FXR1: variants seen among roughly 807,000 people sequenced by gnomAD.
The protein encoded by FXR1 is FMR1 autosomal homolog 1.
In FXR1, 15 loss-of-function variants were observed where a neutral mutation model predicts 84.0. The ratio of observed to expected loss-of-function variants is 0.18; its 90% CI spans 0.12 to 0.27. The LOEUF (loss-of-function observed/expected upper bound fraction) is 0.27. Among genes scored for constraint, FXR1 ranks in the 10% least tolerant of loss-of-function variants. The probability of loss-of-function intolerance (pLI) is 1.00; values close to 1 mark genes in which losing one functional copy is unlikely to be tolerated. For synonymous variants in FXR1, 245 were observed against 250.7 expected, an observed-to-expected ratio of 0.98 and a Z score of 0.21; for missense variants, 480 against 774.4, an observed-to-expected ratio of 0.62 and a Z score of 4.51.
intron 1 of FXR1, among the ~76,000 whole-genome samples, chr3:180,923,278 A>C (rs1454982903): frequency 6.6e-6 from 1 of 152,166 alleles, no homozygotes; most frequent in East Asian, 1.9e-4. Context: ...CCCATTCCAG[A>C]TTGATAGACC....
chr3:180,937,718 A>G (rs1004010952), intron 3 of FXR1, among the ~76,000 whole-genome samples: 1 of 152,192 alleles, frequency 6.6e-6, no homozygotes, highest in African/African-American at 2.4e-5. Context: ...GGATTTATCC[A>G]TATTACGTAG....
chr3:180,920,506 A>G (rs1370503465), intron 1 of FXR1, among the ~76,000 whole-genome samples: 2 of 151,140 alleles, frequency 1.3e-5, no homozygotes, highest in East Asian at 3.9e-4. Context: ...GAAAGTCAGA[A>G]TAGTTTTGTT....
chr3:180,965,021 CT>C (rs551310034), intron 13 of FXR1, among the ~76,000 whole-genome samples: 117 of 145,190 alleles, frequency 8.1e-4, no homozygotes, highest in Admixed American at 1.0e-3. Context: ...TGTTTTGTTA[CT>C]TTTTTTTTTT....
At chr3:180,960,889 C>T (rs1712015314) in intron 10 of FXR1, among the ~76,000 whole-genome samples, 1 of 152,064 alleles carries the variant, frequency 6.6e-6, no homozygotes, top group Admixed American at 6.6e-5. Context: ...ACACAGAAGA[C>T]AATTTACAAC....
rs536951817 is a variant in FXR1 at position 180,917,277 on chromosome 3, G to A, written c.51+4541G>A. Among the ~76,000 whole-genome samples the A allele has an allele frequency of 2.0e-5, 3 of 151,816 alleles. No individual in the cohort carries two copies. The South Asian group carries it at 6.2e-4, about 32-fold the overall frequency. On this transcript the variant is annotated intron_variant, in intron 1 of 16. Coordinates refer to ENST00000357559, the MANE Select transcript of FXR1 (RefSeq NM_005087.4). The stretch of plus-strand genomic sequence containing the variant: ...TTGAGCGTAATCTAAATTATGCATA[G>A]ATATATTAATAATGATGACCAATAG...
intron 1 of FXR1, among the ~76,000 whole-genome samples, chr3:180,916,263 A>T (rs1387082524): frequency 6.6e-6 from 1 of 152,212 alleles, no homozygotes; most frequent in Non-Finnish European, 1.5e-5. Flanking sequence ...CTTCCTTCAG[A>T]ACGTTCCATT....
At chr3:180,926,613 T>C (rs893259252) in intron 1 of FXR1, among the ~76,000 whole-genome samples, 3 of 151,648 alleles carry the variant, frequency 2.0e-5, no homozygotes, top group South Asian at 2.1e-4. Flanking sequence ...GTTACACTTT[T>C]AGGGTGTAAA....
rs1258768824 is a variant in FXR1 at position 180,963,841 on chromosome 3, A to G, written c.1198+751A>G. On this transcript the variant is annotated intron_variant, in intron 13 of 16. Transcript: ENST00000357559. Reference sequence around the variant, plus strand: ...TCCATTTTTCTACATTTGGACTTGGATCTTAGCAGTGACCTGATTTGTTTT... The same window carrying G: ...TCCATTTTTCTACATTTGGACTTGGGTCTTAGCAGTGACCTGATTTGTTTT... Among the ~76,000 whole-genome samples the G allele has an allele frequency of 2.0e-5, 3 of 152,156 alleles. No homozygotes were observed. The East Asian group carries it at 5.8e-4, about 29-fold the overall frequency.
chr3:180,944,731 C>T (rs1218999496), intron 3 of FXR1, among the ~76,000 whole-genome samples: 2 of 152,188 alleles, frequency 1.3e-5, no homozygotes, highest in African/African-American at 4.8e-5. Context: ...GATCCTTCCA[C>T]CCTACCCCAG....
At chr3:180,943,327 G>A (rs1721340191) in intron 3 of FXR1, among the ~76,000 whole-genome samples, 1 of 146,734 alleles carries the variant, frequency 6.8e-6, no homozygotes, top group Non-Finnish European at 1.5e-5. Flanking sequence ...CAGGCTGGAG[G>A]GCAGTGGTGC....
chr3:180,940,074 C>G (rs1720954264), intron 3 of FXR1, among the ~76,000 whole-genome samples: 1 of 152,156 alleles, frequency 6.6e-6, no homozygotes, highest in African/African-American at 2.4e-5. Flanking sequence ...AGTTACAGCA[C>G]ATAAAGTAAT....
Position 180,970,362 on chromosome 3 carries a change from T to C in FXR1, c.1603+4T>C. 1 of 1,092,986 alleles carries C rather than the reference T, an allele frequency of 9.1e-7. No homozygotes were observed. The highest frequency in any genetic ancestry group is 1.4e-6 in the Non-Finnish European group (1 of 723,480). 67.7% of individuals were successfully genotyped at this position (1,092,986 alleles called of 1,614,324 possible). On this transcript the variant is annotated splice_donor_region_variant and intron_variant, in intron 15 of 16. Coordinates refer to ENST00000357559, the MANE Select transcript of FXR1 (RefSeq NM_005087.4). ...TCAGTTAATGAAAATGGGCTAGGTA[T>C]GTAAGCACTTAGGGAAGAGAAATAT... is the stretch of plus-strand genomic sequence containing the variant.
In FXR1 at chr3:180,976,361, A is replaced by C; in HGVS notation, c.*69A>C. On this transcript the variant is annotated 3_prime_UTR_variant, in exon 17 of 17. Transcript: ENST00000357559. ...CAATAGTGCTTGTACAAGCTTGCCAAAGATAGAATATGGATCGCCAGTCTT... is the reference window on the plus strand; with the variant it reads ...CAATAGTGCTTGTACAAGCTTGCCACAGATAGAATATGGATCGCCAGTCTT... The C allele has an allele frequency of 9.5e-7, 1 of 1,051,796 alleles. No homozygotes were observed. Among genetic ancestry groups the C allele is most frequent in the Non-Finnish European group, 1.4e-6 (1 of 732,016 alleles). 65.2% of individuals were successfully genotyped at this position (1,051,796 alleles called of 1,614,324 possible). A position where few individuals can be genotyped will look rare whatever the true frequency, so the allele number is the denominator to read the frequency against.
In FXR1 at chr3:180,980,314, A is replaced by G. The variant is rs1714549204; in HGVS notation, c.*4022A>G. 1 of 152,086 alleles carries G rather than the reference A, an allele frequency of 6.6e-6. No homozygotes were observed. The highest frequency in any genetic ancestry group is 1.5e-5 in the Non-Finnish European group (1 of 67,970). The allele number at this position is 152,086 out of a possible 1,614,324, so 9.4% of individuals were successfully genotyped here. A position where few individuals can be genotyped will look rare whatever the true frequency, so the allele number is the denominator to read the frequency against. Reference sequence around the variant, plus strand: ...GACAAAGTAATTTTTCACAAGTCTTACAGCCCCACTATTAAGTATGCTACT... The same window carrying G: ...GACAAAGTAATTTTTCACAAGTCTTGCAGCCCCACTATTAAGTATGCTACT... On this transcript the variant is annotated 3_prime_UTR_variant, in exon 17 of 17. Coordinates refer to ENST00000357559, the MANE Select transcript of FXR1 (RefSeq NM_005087.4).
At chr3:180,958,569 CT>C (rs1179017107) in intron 10 of FXR1, among the ~76,000 whole-genome samples, 1 of 152,018 alleles carries the variant, frequency 6.6e-6, no homozygotes, top group Non-Finnish European at 1.5e-5. Context: ...TATTTTGTTC[CT>C]TTTTATGGCT....
chr3:180,955,322 C>CA (rs1182259948), intron 9 of FXR1, among the ~76,000 whole-genome samples: 1 of 152,068 alleles, frequency 6.6e-6, no homozygotes, highest in Non-Finnish European at 1.5e-5. Context: ...CAATTCTCCT[C>CA]AAACATTTGG....
chr3:180,918,203 A>G (rs201500733), intron 1 of FXR1, among the ~76,000 whole-genome samples: 1 of 152,200 alleles, frequency 6.6e-6, no homozygotes, highest in East Asian at 1.9e-4. Flanking sequence ...ATAATAGTTT[A>G]AGATGAGAGC....
At position 180,975,382 on chromosome 3, in the gene FXR1, T is replaced by C; in HGVS notation, c.1673T>C (p.Leu558Ser). Residue 558 changes from leucine to serine, a missense_variant, in exon 16 of 17, where the codon TTG (leucine) becomes TCG (serine). This residue lies in a region of FXR1 where 94 missense variants were observed against 81.8 expected (regional missense o/e 1.15). Transcript: ENST00000357559. ...CAAAGAAACCTCCCAAGGGAAACTT[T>C]GGCTAAAAACAAGAAAGAAATGGTA... ...SRQRNLPRET[L>S]AKNKKEMAKD... 2 of 1,502,096 alleles carry C rather than the reference T, an allele frequency of 1.3e-6. No homozygotes were observed. The highest frequency in any genetic ancestry group is 1.8e-6 in the Non-Finnish European group (2 of 1,090,800). 93.0% of individuals were successfully genotyped at this position (1,502,096 alleles called of 1,614,324 possible).
At chr3:180,976,095 G>C (rs1714206741) in intron 16 of FXR1, 27 bp from the exon 17 acceptor site, 1 of 1,567,574 alleles carries the variant, frequency 6.4e-7, no homozygotes, top group South Asian at 1.2e-5. Context: ...TTATAAAGAA[G>C]TTGAAAAAGT....
Sources: gnomAD v4.1 joint callset for allele counts (sites outside exome capture counted in the v4.1 genomes callset) on GRCh38, gnomAD v4.1.1 for gene constraint, gnomAD v4.1.1 regional missense constraint, MANE v1.5 for transcripts, NCBI Gene and HGNC (gene_info 2026-07-23, HGNC 2026-07-21) for gene names.